SHANK1: variants seen among roughly 807,000 people sequenced by gnomAD.
The protein encoded by SHANK1 is SH3 and multiple ankyrin repeat domains 1, also known as SH3 and multiple ankyrin repeat domains protein 1.
Under a neutral mutation model 165.6 loss-of-function variants are expected in SHANK1, and 35 were observed. That is an observed-to-expected ratio of 0.21 (90% CI 0.16 to 0.28). SHANK1 has a LOEUF of 0.28. SHANK1 is among the 10% of genes least tolerant of loss of function. The probability of loss-of-function intolerance (pLI) is 1.00; values close to 1 mark genes in which losing one functional copy is unlikely to be tolerated. For missense variants in SHANK1, 2,681 were observed against 3,036.4 expected (o/e 0.88, Z 2.75); for synonymous variants, 1,428 against 1,384.8 (o/e 1.03, Z -0.69).
intron 15 of SHANK1, among the ~76,000 whole-genome samples, chr19:50,689,582 A>G (rs1259233646): frequency 1.3e-5 from 2 of 152,042 alleles, no homozygotes; most frequent in African/African-American, 4.8e-5. Flanking sequence ...GAGCTTCCAG[A>G]TTACCAGACA....
chr19:50,702,875 G>A lies in SHANK1; in HGVS notation c.1554-215C>T, dbSNP rs937607687. ...CCCCTCTCCTGCCTCCTGGCTTCCG[G>A]CTCTGCCCCCTCCCACGGTCCTGCG... is the stretch of plus-strand genomic sequence containing the variant. On this transcript the variant is annotated intron_variant, in intron 11 of 23. Coordinates refer to ENST00000293441, the MANE Select transcript of SHANK1 (RefSeq NM_016148.5). This position sits in a 1 kb window ranked among gnomAD's most constrained non-coding sequence, Gnocchi z 5.3. Among the ~76,000 whole-genome samples, 4 of 152,094 alleles carry A rather than the reference G, an allele frequency of 2.6e-5. No homozygotes were observed. Among genetic ancestry groups the A allele is most frequent in the African/African-American group, 9.7e-5 (4 of 41,416 alleles).
At chr19:50,699,158 G>C (rs1477028044) in intron 12 of SHANK1, among the ~76,000 whole-genome samples, 1 of 152,220 alleles carries the variant, frequency 6.6e-6, no homozygotes, top group Non-Finnish European at 1.5e-5. Context: ...GAAGAGAGCA[G>C]GAGATGGGTT....
At position 50,690,017 on chromosome 19, in the gene SHANK1, C is replaced by T. The variant is rs1986492990; in HGVS notation, c.1965-738G>A. ...AAATTCAATTCCTCAGTCACAGTGG[C>T]CATATTTCCAAGTGTGCAGAAGCTG... On this transcript the variant is annotated intron_variant, in intron 15 of 23. Coordinates refer to ENST00000293441, the MANE Select transcript of SHANK1 (RefSeq NM_016148.5). This position sits in a 1 kb window ranked among gnomAD's most constrained non-coding sequence, Gnocchi z 4.9. Among the ~76,000 whole-genome samples the T allele has an allele frequency of 6.6e-6, 1 of 152,152 alleles. No individual in the cohort carries two copies. The highest frequency in any genetic ancestry group is 1.5e-5 in the Non-Finnish European group (1 of 68,020).
At chr19:50,679,491 G>A (rs1599848903) in intron 21 of SHANK1, among the ~76,000 whole-genome samples, 2 of 152,156 alleles carry the variant, frequency 1.3e-5, no homozygotes, top group East Asian at 3.8e-4. Context: ...GGGAGCACCT[G>A]AACTCCACCA....
intron 19 of SHANK1, chr19:50,687,160 G>A (rs1455222091): frequency 1.8e-6 from 1 of 551,616 alleles, no homozygotes; most frequent in Non-Finnish European, 3.1e-6. Context: ...TCAGCTGTCC[G>A]ACCAGCCCCC....
In SHANK1 at chr19:50,715,583, G is replaced by A. The variant is rs139994929; in HGVS notation, c.531+76C>T. ...TGTGGAGGTCTATTGGGAAGAGGTG[G>A]GGAGAGAAAGTGGTTGGGTAGGGGG... On this transcript the variant is annotated intron_variant, in intron 4 of 23. Transcript: ENST00000293441. 7.1e-4 allele frequency: 920 copies of A among 1,291,274 alleles called. 5 individuals carry two copies. The African/African-American group carries it at 0.012, about 17-fold the overall frequency. The allele number at this position is 1,291,274 out of a possible 1,614,324, so 80.0% of individuals were successfully genotyped here.
At chr19:50,682,493 A>C (rs546241380) in intron 21 of SHANK1, among the ~76,000 whole-genome samples, 10 of 152,254 alleles carry the variant, frequency 6.6e-5, no homozygotes, top group Non-Finnish European at 8.8e-5. Context: ...ACTGAGATGC[A>C]GAGAAATTAA....
intron 7 of SHANK1, among the ~76,000 whole-genome samples, chr19:50,711,727 A>T (rs2089013196): frequency 6.6e-6 from 1 of 152,198 alleles, no homozygotes; most frequent in Admixed American, 6.5e-5. Context: ...GGTCAAGAGG[A>T]CAGCCCATCC....
chr19:50,698,621 G>A (rs934611162), intron 12 of SHANK1, among the ~76,000 whole-genome samples: 1 of 151,710 alleles, frequency 6.6e-6, no homozygotes, highest in East Asian at 1.9e-4. Flanking sequence ...CAGCTAATGC[G>A]TATCCAACTC....
chr19:50,686,718 C>T lies in SHANK1; in HGVS notation c.2458+26G>A, dbSNP rs1477988775. The T allele has an allele frequency of 2.5e-6, 4 of 1,609,740 alleles. No homozygotes were observed. Among genetic ancestry groups the T allele is most frequent in the Non-Finnish European group, 3.4e-6 (4 of 1,177,390 alleles). ...GTGCCGGGGCTGGGGCCCGGCATCC[C>T]GAGGAGCAGGGCTGGGCCGTCTTAC... On this transcript the variant is annotated intron_variant, in intron 20 of 23. Transcript: ENST00000293441. This position sits in a 1 kb window ranked among gnomAD's most constrained non-coding sequence, Gnocchi z 5.7.
In SHANK1 at chr19:50,714,892, A is replaced by C. The variant is rs560219592; in HGVS notation, c.532-602T>G. Among the ~76,000 whole-genome samples, 20 of 152,246 alleles carry C rather than the reference A, an allele frequency of 1.3e-4. No individual in the cohort carries two copies. The South Asian group carries it at 3.9e-3, about 30-fold the overall frequency. On this transcript the variant is annotated intron_variant, in intron 4 of 23. Transcript: ENST00000293441. Reference sequence around the variant, plus strand: ...GAAACCCAGTGTGTATTTCACACTCACAGCGAGTCTTAGTTGGGACCAAAC... The same window carrying C: ...GAAACCCAGTGTGTATTTCACACTCCCAGCGAGTCTTAGTTGGGACCAAAC...
Position 50,667,423 on chromosome 19 carries a change from C to T in SHANK1, c.4537G>A (p.Glu1513Lys). The T allele has an allele frequency of 6.6e-7, 1 of 1,521,404 alleles. No individual in the cohort carries two copies. Among genetic ancestry groups the T allele is most frequent in the South Asian group, 1.2e-5 (1 of 80,806 alleles). The allele number at this position is 1,521,404 out of a possible 1,614,324, so 94.2% of individuals were successfully genotyped here. A position where few individuals can be genotyped will look rare whatever the true frequency, so the allele number is the denominator to read the frequency against. ...GGCGGCGGGACCCCCGGCCCGTCCT[C>T]CGAGGGGGGACCCCTTCCGCTCGTC... ...PVTSGRGPPS[E>K]DGPGVPPPSP... Residue 1513 changes from glutamate to lysine, a missense_variant, in exon 23 of 24, where the codon GAG becomes AAG. Physicochemically the swap from Glu to Lys is moderately conservative, Grantham distance 56 (BLOSUM62 1). Around this residue, in one of 10 missense-constraint regions of SHANK1, gnomAD observed 1,713 missense variants for 1,630.2 expected, o/e 1.05. Transcript: ENST00000293441. The surrounding 1 kb of genome is among the most constrained non-coding windows in gnomAD (Gnocchi z 5.7).
At chr19:50,678,193 G>A (rs1054145519) in intron 21 of SHANK1, among the ~76,000 whole-genome samples, 7 of 152,200 alleles carry the variant, frequency 4.6e-5, no homozygotes, top group African/African-American at 1.7e-4. Context: ...GTAAGGAGGA[G>A]ATTCAAGATG....
intron 23 of SHANK1, among the ~76,000 whole-genome samples, chr19:50,665,925 C>T (rs10425017): frequency 0.36 from 50,528 of 141,854 alleles, 11,623 homozygotes; most frequent in African/African-American, 0.65. Context: ...GCAGGAGAAT[C>T]GCTTGAACCC....
Position 50,696,941 on chromosome 19 carries a change from A to G in SHANK1, c.1964+155T>C, listed in dbSNP as rs111351883. Reference sequence around the variant, plus strand: ...ATAGGTACAGGTACATCCAGGCCACACATGCACACAGATGCGTGTCATGCA... The same window carrying G: ...ATAGGTACAGGTACATCCAGGCCACGCATGCACACAGATGCGTGTCATGCA... On this transcript the variant is annotated intron_variant, in intron 15 of 23. Transcript: ENST00000293441. Among the ~76,000 whole-genome samples the G allele has an allele frequency of 5.6e-3, 849 of 152,256 alleles. 8 individuals carry two copies. The highest frequency in any genetic ancestry group is 0.019 in the African/African-American group (771 of 41,528).
Position 50,666,447 on chromosome 19 carries a change from A to C in SHANK1, c.5513T>G (p.Leu1838Arg). The C allele has an allele frequency of 6.2e-7, 1 of 1,609,116 alleles. No homozygotes were observed. Among genetic ancestry groups the C allele is most frequent in the Non-Finnish European group, 8.5e-7 (1 of 1,178,682 alleles). Residue 1838 changes from leucine (L) to arginine (R), a missense_variant, in exon 23 of 24, where the codon CTG becomes CGG. Physicochemically the swap from Leu to Arg is moderately radical, Grantham distance 102. This residue lies in a region of SHANK1 where 1,713 missense variants were observed against 1,630.2 expected (regional missense o/e 1.05). Transcript: ENST00000293441. ...PTASSLPRKL[L>R]PWEEGPGPPP... is the part of the protein sequence containing the mutation. ...TGGGCCCGGGCCCTCCTCCCAGGGC[A>C]GCAGCTTCCGGGGCAGAGAGGAGGC... is the stretch of plus-strand genomic sequence containing the variant.
intron 8 of SHANK1, among the ~76,000 whole-genome samples, chr19:50,707,893 TTTCTTTTCTTTTC>T (rs2088961098): frequency 9.8e-5 from 1 of 10,154 alleles, no homozygotes; most frequent in African/African-American, 1.1e-3. Context: ...TTTCTTTTCT[TTTCTTTTCTTTTC>T]TTTTCTTTTC....
intron 12 of SHANK1, among the ~76,000 whole-genome samples, chr19:50,699,631 G>C (rs1361251644): frequency 6.6e-6 from 1 of 152,062 alleles, no homozygotes; most frequent in Non-Finnish European, 1.5e-5. Context: ...GAATGGAGGG[G>C]TTGGTATATC....
At chr19:50,707,488 G>A (rs1021269069) in intron 8 of SHANK1, among the ~76,000 whole-genome samples, 3 of 152,002 alleles carry the variant, frequency 2.0e-5, no homozygotes, top group African/African-American at 7.3e-5. Context: ...GGTTCAGAGA[G>A]GGCAGATGCT....
Sources: gnomAD v4.1 joint callset for allele counts (sites outside exome capture counted in the v4.1 genomes callset) on GRCh38, gnomAD v4.1.1 for gene constraint, gnomAD v4.1.1 regional missense constraint, Gnocchi (gnomAD v3.1) non-coding constraint, MANE v1.5 for transcripts, NCBI Gene and HGNC (gene_info 2026-07-23, HGNC 2026-07-21) for gene names.